RBM15: variants seen among roughly 807,000 people sequenced by gnomAD.
RBM15 encodes RNA-binding protein 15.
RBM15 carries 8 observed loss-of-function variants against 62.6 expected under a neutral mutation model. That is an observed-to-expected ratio of 0.13 (90% CI 0.07 to 0.23). RBM15 has a LOEUF of 0.23. Ranked by LOEUF, RBM15 falls within the 10% of genes least tolerant of loss-of-function variation. RBM15 has a pLI of 1.00. For synonymous variants in RBM15, 606 were observed against 505.7 expected, an observed-to-expected ratio of 1.20 and a Z score of -2.66; for missense variants, 1,144 against 1,286.5, an observed-to-expected ratio of 0.89 and a Z score of 1.69.
In RBM15 at chr1:110,340,401, C is replaced by G; in HGVS notation, c.996C>G (p.Asp332Glu). The change falls in exon 1 of 3, where the codon GAC becomes GAG. Residue 332 changes from aspartate (D) to glutamate (E), a missense_variant. By Grantham distance (45) the Asp-to-Glu change is conservative (BLOSUM62 2). This residue lies in a region of RBM15 where 188 missense variants were observed against 185.6 expected (regional missense o/e 1.01). Transcript: ENST00000369784. This position sits in a 1 kb window ranked among gnomAD's most constrained non-coding sequence, Gnocchi z 5.8. The stretch of plus-strand genomic sequence containing the variant: ...CTCGAGACCTGGAGAGAGAAAGAGA[C>G]TACCCGTTCTATGAGAGAGTGCGCC... ...PLPRDLERERDYPFYERVRPA... is the reference protein window; with the variant it reads ...PLPRDLEREREYPFYERVRPA... The G allele has an allele frequency of 6.2e-7, 1 of 1,614,224 alleles. No homozygotes were observed. The highest frequency in any genetic ancestry group is 1.3e-5 in the African/African-American group (1 of 75,072).
At chr1:110,343,483 G>A (rs1409558912) in intron 1 of RBM15, among the ~76,000 whole-genome samples, 1 of 151,102 alleles carries the variant, frequency 6.6e-6, no homozygotes, top group East Asian at 1.9e-4. Flanking sequence ...CAGACACCCG[G>A]AATTAATACA....
At position 110,346,407 on chromosome 1, in the gene RBM15, G is replaced by A; in HGVS notation, c.*140G>A. On this transcript the variant is annotated 3_prime_UTR_variant, in exon 3 of 3. Transcript: ENST00000369784. Reference sequence around the variant, plus strand: ...TTATGTGGAGTTTACATGGGCCTCTGATGGAAGAAAGCTAATCTGTTTAGT... The same window carrying A: ...TTATGTGGAGTTTACATGGGCCTCTAATGGAAGAAAGCTAATCTGTTTAGT... 2 of 1,501,286 alleles carry A rather than the reference G, an allele frequency of 1.3e-6. No individual in the cohort carries two copies. The highest frequency in any genetic ancestry group is 2.3e-5 in the South Asian group (2 of 88,528). The allele number at this position is 1,501,286 out of a possible 1,614,324, so 93.0% of individuals were successfully genotyped here. A position where few individuals can be genotyped will look rare whatever the true frequency, so the allele number is the denominator to read the frequency against.
chr1:110,345,514 A>AT (rs769741287), intron 1 of RBM15, 25 bp from the exon 2 acceptor site: 1,794 of 1,483,168 alleles, frequency 1.2e-3, no homozygotes, highest in Non-Finnish European at 1.4e-3. Flanking sequence ...ATTTCTGGAC[A>AT]TTTTTTTTTC....
In RBM15 at chr1:110,341,169, A is replaced by G; in HGVS notation, c.1764A>G (p.Pro588=). Residue 588 remains proline (P), a synonymous_variant, in exon 1 of 3, where the codon CCA becomes CCG. Transcript: ENST00000369784. The surrounding 1 kb of genome is among the most constrained non-coding windows in gnomAD (Gnocchi z 4.5). ...RDLYPDSDWV[P]PPPPVRERST... ...TTTATCCTGACTCTGATTGGGTGCC[A>G]CCCCCACCCCCAGTCCGAGAACGCA... 6.2e-7 allele frequency: 1 copy of G among 1,613,694 alleles called. No homozygotes were observed. Among genetic ancestry groups the G allele is most frequent in the South Asian group, 1.1e-5 (1 of 91,050 alleles).
At chr1:110,342,630 A>C (rs1288203521) in intron 1 of RBM15, 1 of 233,520 alleles carries the variant, frequency 4.3e-6, no homozygotes, top group African/African-American at 2.2e-5. Context: ...AATTTTGAAA[A>C]GTCAGAATTT....
At position 110,339,508 on chromosome 1, in the gene RBM15, C is replaced by T. The variant is rs760830803; in HGVS notation, c.103C>T (p.Arg35Cys). The change falls in exon 1 of 3, where the codon CGC (arginine) becomes TGC (cysteine). Residue 35 changes from arginine (R) to cysteine (C), a missense_variant. This residue lies in a region of RBM15 where 298 missense variants were observed against 250.0 expected (regional missense o/e 1.19). Transcript: ENST00000369784. Reference sequence around the variant, plus strand: ...CGCGGGGCGGCGGGTTACTCAGCTCCGCGGAGACGACCTCCGACGACCCGC... The same window carrying T: ...CGCGGGGCGGCGGGTTACTCAGCTCTGCGGAGACGACCTCCGACGACCCGC... ...TSAGRRVTQL[R>C]GDDLRRPATM... is the part of the protein sequence containing the mutation. 1.3e-5 allele frequency: 21 copies of T among 1,597,336 alleles called. No individual in the cohort carries two copies. The highest frequency in any genetic ancestry group is 5.1e-6 in the Non-Finnish European group (6 of 1,169,308).
At chr1:110,345,673 T>C in intron 2 of RBM15, 24 bp downstream of exon 2, 1 of 1,393,794 alleles carries the variant, frequency 7.2e-7, no homozygotes, top group Non-Finnish European at 9.9e-7. Context: ...AATGTTAAGC[T>C]GAATGAAGAG....
At chr1:110,343,542 G>T (rs1660843610) in intron 1 of RBM15, among the ~76,000 whole-genome samples, 1 of 144,888 alleles carries the variant, frequency 6.9e-6, no homozygotes. Flanking sequence ...AAGGTGAGAT[G>T]ATATCAACCT....
chr1:110,339,464 T>G lies in RBM15; in HGVS notation c.59T>G (p.Val20Gly). Residue 20 changes from valine (V) to glycine (G), a missense_variant, in exon 1 of 3, where the codon GTT becomes GGT. Val to Gly is a moderately radical substitution (Grantham distance 109). Coordinates refer to ENST00000369784, the MANE Select transcript of RBM15 (RefSeq NM_022768.5). ...PRRSPRWRRA[V>G]PLCETSAGRR... Reference sequence around the variant, plus strand: ...CGGAGTCCAAGATGGCGGCGTGCGGTTCCGCTGTGTGAAACGAGCGCGGGG... The same window carrying G: ...CGGAGTCCAAGATGGCGGCGTGCGGGTCCGCTGTGTGAAACGAGCGCGGGG... 6.4e-7 allele frequency: 1 copy of G among 1,556,326 alleles called. No homozygotes were observed. Among genetic ancestry groups the G allele is most frequent in the South Asian group, 1.2e-5 (1 of 82,812 alleles).
chr1:110,345,444 G>C (rs1660877785), intron 1 of RBM15, 95 bp from the exon 2 acceptor site: 1 of 832,570 alleles, frequency 1.2e-6, no homozygotes, highest in Admixed American at 2.0e-5. Context: ...AACAGAATTA[G>C]GAAATCCTCT....
Position 110,340,846 on chromosome 1 carries a change from A to C in RBM15, c.1441A>C (p.Ile481Leu). Residue 481 changes from isoleucine to leucine, a missense_variant, in exon 1 of 3, where the codon ATA (isoleucine) becomes CTA (leucine). This residue lies in a region of RBM15 where 105 missense variants were observed against 193.6 expected (regional missense o/e 0.54). Coordinates refer to ENST00000369784, the MANE Select transcript of RBM15 (RefSeq NM_022768.5). This position sits in a 1 kb window ranked among gnomAD's most constrained non-coding sequence, Gnocchi z 5.8. ...LAREFDRFGT[I>L]RTIDYRKGDS... is the part of the protein sequence containing the mutation. ...ACGAGAATTTGATCGATTTGGCACC[A>C]TACGCACCATAGACTACCGAAAAGG... is the stretch of plus-strand genomic sequence containing the variant. 6.2e-7 allele frequency: 1 copy of C among 1,614,210 alleles called. No homozygotes were observed. The highest frequency in any genetic ancestry group is 8.5e-7 in the Non-Finnish European group (1 of 1,180,042).
chr1:110,339,743 A>G lies in RBM15; in HGVS notation c.338A>G (p.Asp113Gly). The change falls in exon 1 of 3, where the codon GAT becomes GGT. Residue 113 changes from aspartate (D) to glycine (G), a missense_variant. By Grantham distance (94) the Asp-to-Gly change is moderately conservative. Around this residue, in one of 8 missense-constraint regions of RBM15, gnomAD observed 298 missense variants for 250.0 expected, o/e 1.19. Transcript: ENST00000369784. Reference sequence around the variant, plus strand: ...AGTCGAGGTGGCAGCCGCGAGTATGATACCGGTGGGGGCAGCTCCAGTAGC... The same window carrying G: ...AGTCGAGGTGGCAGCCGCGAGTATGGTACCGGTGGGGGCAGCTCCAGTAGC... ...SSSRGGSREYDTGGGSSSSRL... is the reference protein window; with the variant it reads ...SSSRGGSREYGTGGGSSSSRL... 6.2e-7 allele frequency: 1 copy of G among 1,612,676 alleles called. No individual in the cohort carries two copies. Among genetic ancestry groups the G allele is most frequent in the Non-Finnish European group, 8.5e-7 (1 of 1,179,624 alleles).
At position 110,344,719 on chromosome 1, in the gene RBM15, C is replaced by G. The variant is rs537082018; in HGVS notation, c.2864-820C>G. Among the ~76,000 whole-genome samples the G allele has an allele frequency of 3.3e-5, 5 of 152,208 alleles. No individual in the cohort carries two copies. In the East Asian group the frequency reaches 7.7e-4, roughly 23 times the overall value. The stretch of plus-strand genomic sequence containing the variant: ...TAAACCTTAAGAATTCAAATGAAAG[C>G]AAAAGTCTAAAACCGGTTCTACTTC... On this transcript the variant is annotated intron_variant, in intron 1 of 2. Transcript: ENST00000369784.
chr1:110,341,044 G>C lies in RBM15; in HGVS notation c.1639G>C (p.Glu547Gln). ...GCAGCCTCTGCCCTTGACTCATTAT[G>C]AGCTGGTGACAGATGCTTTTGGACA... ...YLQPLPLTHY[E>Q]LVTDAFGHRA... Residue 547 changes from glutamate (E) to glutamine (Q), a missense_variant, in exon 1 of 3, where the codon GAG (glutamate) becomes CAG (glutamine). Around this residue, in one of 8 missense-constraint regions of RBM15, gnomAD observed 360 missense variants for 342.9 expected, o/e 1.05. Transcript: ENST00000369784. This position sits in a 1 kb window ranked among gnomAD's most constrained non-coding sequence, Gnocchi z 4.5. 8 of 1,614,184 alleles carry C rather than the reference G, an allele frequency of 5.0e-6. No homozygotes were observed. The highest frequency in any genetic ancestry group is 6.8e-6 in the Non-Finnish European group (8 of 1,180,038).
rs1271160551 is a variant in RBM15, at chr1:110,340,990, A to C, written c.1585A>C (p.Thr529Pro). ...DRRLRVDFAD[T>P]EHRYQQQYLQ... ...ACGCCTTAGAGTAGACTTTGCCGAC[A>C]CCGAACATCGTTACCAGCAGCAGTA... The change falls in exon 1 of 3, where the codon ACC becomes CCC. Residue 529 changes from threonine to proline, a missense_variant. Physicochemically the swap from Thr to Pro is conservative, Grantham distance 38. This residue lies in a region of RBM15 where 360 missense variants were observed against 342.9 expected (regional missense o/e 1.05). Coordinates refer to ENST00000369784, the MANE Select transcript of RBM15 (RefSeq NM_022768.5). This position sits in a 1 kb window ranked among gnomAD's most constrained non-coding sequence, Gnocchi z 5.8. The C allele has an allele frequency of 1.2e-6, 2 of 1,614,202 alleles. No individual in the cohort carries two copies. Among genetic ancestry groups the C allele is most frequent in the Non-Finnish European group, 1.7e-6 (2 of 1,180,020 alleles).
At position 110,341,979 on chromosome 1, in the gene RBM15, C is replaced by T; in HGVS notation, c.2574C>T (p.Ala858=). The T allele has an allele frequency of 6.2e-7, 1 of 1,614,210 alleles. No homozygotes were observed. The highest frequency in any genetic ancestry group is 1.3e-5 in the African/African-American group (1 of 75,048). ...RIKVAGPNGY[A]ILLAVPGSSD... Reference sequence around the variant, plus strand: ...AAGTAGCAGGGCCCAATGGTTATGCCATTCTTTTGGCTGTGCCTGGAAGTT... The same window carrying T: ...AAGTAGCAGGGCCCAATGGTTATGCTATTCTTTTGGCTGTGCCTGGAAGTT... Residue 858 remains alanine, a synonymous_variant, in exon 1 of 3, where the codon GCC becomes GCT. Coordinates refer to ENST00000369784, the MANE Select transcript of RBM15 (RefSeq NM_022768.5). The surrounding 1 kb of genome is among the most constrained non-coding windows in gnomAD (Gnocchi z 4.5).
Position 110,340,431 on chromosome 1 carries a change from A to G in RBM15, c.1026A>G (p.Ala342=), listed in dbSNP as rs754706303. The change falls in exon 1 of 3, where the codon GCA becomes GCG. Residue 342 remains alanine, a synonymous_variant. Coordinates refer to ENST00000369784, the MANE Select transcript of RBM15 (RefSeq NM_022768.5). This position sits in a 1 kb window ranked among gnomAD's most constrained non-coding sequence, Gnocchi z 5.8. The part of the protein sequence containing the change: ...DYPFYERVRP[A]YSLEPRVGAG... ...CGTTCTATGAGAGAGTGCGCCCTGC[A>G]TACAGTCTTGAGCCAAGGGTGGGAG... is the stretch of plus-strand genomic sequence containing the variant. 4 of 1,614,202 alleles carry G rather than the reference A, an allele frequency of 2.5e-6. No individual in the cohort carries two copies. The highest frequency in any genetic ancestry group is 2.7e-5 in the African/African-American group (2 of 75,056).
chr1:110,341,699 C>A lies in RBM15; in HGVS notation c.2294C>A (p.Ser765Tyr). The A allele has an allele frequency of 1.9e-6, 3 of 1,614,204 alleles. No homozygotes were observed. Among genetic ancestry groups the A allele is most frequent in the Non-Finnish European group, 2.5e-6 (3 of 1,180,030 alleles). The part of the protein sequence containing the change: ...STSTASSKLK[S>Y]PSQKQDGGTA... ...AGCACTGCTTCCTCCAAGCTGAAGT[C>A]CCCGTCCCAGAAACAGGATGGGGGG... The change falls in exon 1 of 3, where the codon TCC (serine) becomes TAC (tyrosine). Residue 765 changes from serine to tyrosine, a missense_variant. Ser to Tyr is a moderately radical substitution (Grantham distance 144). This residue lies in a region of RBM15 where 360 missense variants were observed against 342.9 expected (regional missense o/e 1.05). Transcript: ENST00000369784. The surrounding 1 kb of genome is among the most constrained non-coding windows in gnomAD (Gnocchi z 4.5).
rs1557892073 is a variant in RBM15, at chr1:110,342,195, G to A, written c.2790G>A (p.Gln930=). ...LHAFPPCEFS[Q]QFLDSPAKAL... is the part of the protein sequence containing the mutation. ...CCTTCCCACCTTGTGAGTTCTCCCA[G>A]CAGTTCCTGGATTCCCCTGCCAAGG... The change falls in exon 1 of 3, where the codon CAG becomes CAA. Residue 930 remains glutamine, a synonymous_variant. Transcript: ENST00000369784. 1 of 1,613,650 alleles carries A rather than the reference G, an allele frequency of 6.2e-7. No homozygotes were observed. Among genetic ancestry groups the A allele is most frequent in the South Asian group, 1.1e-5 (1 of 91,010 alleles).
Sources: gnomAD v4.1 joint callset for allele counts (sites outside exome capture counted in the v4.1 genomes callset) on GRCh38, gnomAD v4.1.1 for gene constraint, gnomAD v4.1.1 regional missense constraint, Gnocchi (gnomAD v3.1) non-coding constraint, MANE v1.5 for transcripts, NCBI Gene and HGNC (gene_info 2026-07-23, HGNC 2026-07-21) for gene names.